ERO1A: variants seen among roughly 807,000 people sequenced by gnomAD.
ERO1A encodes the protein ERO1-like protein alpha.
ERO1A carries 49 observed loss-of-function variants against 76.9 expected under a neutral mutation model. The ratio of observed to expected loss-of-function variants is 0.64; its 90% confidence interval spans 0.51 to 0.81. ERO1A has a LOEUF of 0.81. ERO1A is among the 30% of genes least tolerant of loss of function. The probability of loss-of-function intolerance (pLI) is 0.00; values close to 1 mark genes in which losing one functional copy is unlikely to be tolerated. For synonymous variants in ERO1A, 174 were observed against 181.2 expected (o/e 0.96, Z 0.32); for missense variants, 448 against 542.1 (o/e 0.83, Z 1.72).
chr14:52,693,033 G>T (rs987296212), intron 1 of ERO1A, among the ~76,000 whole-genome samples: 3 of 118,258 alleles, frequency 2.5e-5, no homozygotes, highest in Admixed American at 9.8e-5. Flanking sequence ...TTTTGCTTAG[G>T]CTCCCTCAAA....
chr14:52,643,061 A>G lies in ERO1A; in HGVS notation c.*509T>C, dbSNP rs2039528634. 6.6e-6 allele frequency: 1 copy of G among 152,268 alleles called. No homozygotes were observed. The highest frequency in any genetic ancestry group is 1.5e-5 in the Non-Finnish European group (1 of 68,026). The allele number at this position is 152,268 out of a possible 1,614,324, so 9.4% of individuals were successfully genotyped here. A position where few individuals can be genotyped will look rare whatever the true frequency, so the allele number is the denominator to read the frequency against. ...TCCAAATATTCCATGTAAAATATTA[A>G]AAAACTAATTGTTTATCTGAAATTC... On this transcript the variant is annotated 3_prime_UTR_variant, in exon 16 of 16. Transcript: ENST00000395686.
At chr14:52,688,242 G>C (rs1237738178) in intron 1 of ERO1A, among the ~76,000 whole-genome samples, 2 of 151,948 alleles carry the variant, frequency 1.3e-5, no homozygotes, top group Non-Finnish European at 2.9e-5. Flanking sequence ...AGAAAGCCTT[G>C]GAAGGCTTTC....
At chr14:52,653,675 T>C (rs1351380487) in intron 11 of ERO1A, among the ~76,000 whole-genome samples, 4 of 151,934 alleles carry the variant, frequency 2.6e-5, no homozygotes, top group African/African-American at 7.2e-5. Flanking sequence ...AAATGAAATT[T>C]CTATCAACTC....
intron 6 of ERO1A, among the ~76,000 whole-genome samples, chr14:52,667,428 G>A (rs1234041642): frequency 6.6e-6 from 1 of 152,064 alleles, no homozygotes; most frequent in East Asian, 1.9e-4. Flanking sequence ...AAAAAAGATG[G>A]TCGGTCCCAG....
chr14:52,660,463 A>C (rs566172781), intron 9 of ERO1A, among the ~76,000 whole-genome samples: 9 of 152,344 alleles, frequency 5.9e-5, no homozygotes, highest in African/African-American at 2.2e-4. Flanking sequence ...CCAGTAGCAA[A>C]TATGAGGCAT....
rs1261707083 is a variant in ERO1A at position 52,641,646 on chromosome 14, A to G, written c.*1924T>C. 5 of 152,072 alleles carry G rather than the reference A, an allele frequency of 3.3e-5. No individual in the cohort carries two copies. The highest frequency in any genetic ancestry group is 7.3e-5 in the Non-Finnish European group (5 of 68,098). The allele number at this position is 152,072 out of a possible 1,614,324, so 9.4% of individuals were successfully genotyped here. A position where few individuals can be genotyped will look rare whatever the true frequency, so the allele number is the denominator to read the frequency against. On this transcript the variant is annotated 3_prime_UTR_variant, in exon 16 of 16. Transcript: ENST00000395686. ...TAAAAATAAAAAAAGGAAGGGAAGC[A>G]TAAGATGAGAGAGAGGGACACACAA...
At chr14:52,669,009 A>G (rs1020168761) in intron 6 of ERO1A, among the ~76,000 whole-genome samples, 2 of 152,100 alleles carry the variant, frequency 1.3e-5, no homozygotes, top group African/African-American at 4.8e-5. Flanking sequence ...CAGCCCTAGA[A>G]GCAGAAAACA....
chr14:52,690,924 C>T (rs891323690), intron 1 of ERO1A, among the ~76,000 whole-genome samples: 6 of 152,058 alleles, frequency 3.9e-5, no homozygotes, highest in African/African-American at 1.4e-4. Context: ...TGTGCCACCA[C>T]GCCCAGCTAA....
intron 6 of ERO1A, among the ~76,000 whole-genome samples, chr14:52,668,162 A>G (rs908028334): frequency 5.9e-5 from 9 of 152,212 alleles, no homozygotes; most frequent in Admixed American, 1.3e-4. Context: ...TAGTTCAGGA[A>G]TGGATAACTG....
At chr14:52,689,601 G>A (rs2041289398) in intron 1 of ERO1A, among the ~76,000 whole-genome samples, 1 of 151,986 alleles carries the variant, frequency 6.6e-6, no homozygotes, top group African/African-American at 2.4e-5. Context: ...TCAGTATGCT[G>A]AAAACTATAA....
chr14:52,653,185 C>T lies in ERO1A; in HGVS notation c.939G>A (p.Arg313=). The T allele has an allele frequency of 6.2e-7, 1 of 1,613,546 alleles. No homozygotes were observed. Among genetic ancestry groups the T allele is most frequent in the Non-Finnish European group, 8.5e-7 (1 of 1,179,756 alleles). The change falls in exon 12 of 16, where the codon AGG becomes AGA. Residue 313 remains arginine (R), a synonymous_variant. Coordinates refer to ENST00000395686, the MANE Select transcript of ERO1A (RefSeq NM_014584.3). ...AGAATGGTAACACTTTGGATAAAGC[C>T]CTTAGTTCTATTAAGTAGAGAAAAT... ...NLYFLYLIEL[R]ALSKVLPFFE...
intron 9 of ERO1A, among the ~76,000 whole-genome samples, chr14:52,659,833 T>TAAAA (rs11463869): frequency 7.3e-6 from 1 of 137,618 alleles, no homozygotes; most frequent in Non-Finnish European, 1.6e-5. Context: ...GTGTCCTTTT[T>TAAAA]AAAAAAAAAA....
intron 2 of ERO1A, among the ~76,000 whole-genome samples, chr14:52,682,864 A>G (rs543138543): frequency 3.6e-4 from 54 of 151,232 alleles, no homozygotes; most frequent in Admixed American, 2.1e-3. Context: ...ATGCCACCAC[A>G]CTCCAGCCTA....
chr14:52,669,305 A>G (rs1466570869), intron 6 of ERO1A, among the ~76,000 whole-genome samples: 2 of 152,222 alleles, frequency 1.3e-5, no homozygotes, highest in Non-Finnish European at 2.9e-5. Flanking sequence ...AAGGATGTTA[A>G]TTAAGGTTAA....
At chr14:52,695,331 C>A in intron 1 of ERO1A, 37 bp downstream of exon 1, 1 of 1,327,600 alleles carries the variant, frequency 7.5e-7, no homozygotes, top group Admixed American at 3.1e-5. Flanking sequence ...CCGCGGAGGG[C>A]GCCGGGACCC....
intron 13 of ERO1A, among the ~76,000 whole-genome samples, chr14:52,649,472 G>C (rs940216413): frequency 6.6e-6 from 1 of 152,092 alleles, no homozygotes; most frequent in Non-Finnish European, 1.5e-5. Flanking sequence ...CATCTTTCCT[G>C]TAAAAGATTC....
chr14:52,678,301 G>A, intron 4 of ERO1A, 133 bp downstream of exon 4: 2 of 561,924 alleles, frequency 3.6e-6, no homozygotes, highest in East Asian at 5.8e-5. Flanking sequence ...CAGAAAGAGA[G>A]CCATTCAGCA....
intron 6 of ERO1A, among the ~76,000 whole-genome samples, chr14:52,671,314 C>T (rs150735327): frequency 3.6e-4 from 55 of 152,198 alleles, no homozygotes; most frequent in African/African-American, 1.2e-3. Context: ...TGTTTGAGTC[C>T]CTGTCTTTAA....
chr14:52,649,422 A>T (rs1376024845), intron 13 of ERO1A, among the ~76,000 whole-genome samples: 2 of 152,184 alleles, frequency 1.3e-5, no homozygotes, highest in Non-Finnish European at 2.9e-5. Context: ...ACTGCTTTTT[A>T]AAAAAGTAAA....
Sources: gnomAD v4.1 joint callset for allele counts (sites outside exome capture counted in the v4.1 genomes callset) on GRCh38, gnomAD v4.1.1 for gene constraint, MANE v1.5 for transcripts, NCBI Gene and HGNC (gene_info 2026-07-23, HGNC 2026-07-21) for gene names.